MROH2A: variants seen among roughly 807,000 people sequenced by gnomAD.
MROH2A encodes the protein maestro heat like repeat family member 2A, also known as maestro heat-like repeat-containing protein family member 2A.
Under a neutral mutation model 200.4 loss-of-function variants are expected in MROH2A, and 174 were observed. The observed-to-expected ratio is 0.87, with a 90% confidence interval of 0.77 to 0.98. The LOEUF is 0.98. Ranked by LOEUF, MROH2A falls within the 50% of genes least tolerant of loss-of-function variation. MROH2A has a pLI of 0.00. For missense variants in MROH2A, 2,045 were observed against 2,139.6 expected, an observed-to-expected ratio of 0.96 and a Z score of 0.87; for synonymous variants, 829 against 840.4, an observed-to-expected ratio of 0.99 and a Z score of 0.23.
At chr2:233,814,502 C>CGGAG (rs1414563029) in intron 25 of MROH2A, 80 bp from the exon 26 acceptor site, 2 of 973,266 alleles carry the variant, frequency 2.1e-6, no homozygotes, top group East Asian at 5.3e-5. Flanking sequence ...CAGACCCCTC[C>CGGAG]CTGGCATGAA....
chr2:233,805,123 T>A lies in MROH2A; in HGVS notation c.2052+12T>A. ...CCTCTCTGGAGAAGGTTTGTCTTCA[T>A]AGGGACAGGAGAGTTTGGACAAGGA... is the stretch of plus-strand genomic sequence containing the variant. On this transcript the variant is annotated intron_variant, in intron 19 of 41. Coordinates refer to ENST00000389758, the MANE Select transcript of MROH2A (RefSeq NM_001394639.1). 6.5e-7 allele frequency: 1 copy of A among 1,532,150 alleles called. No individual in the cohort carries two copies. Among genetic ancestry groups the A allele is most frequent in the Non-Finnish European group, 8.8e-7 (1 of 1,131,256 alleles). 94.9% of individuals were successfully genotyped at this position (1,532,150 alleles called of 1,614,324 possible). A position where few individuals can be genotyped will look rare whatever the true frequency, so the allele number is the denominator to read the frequency against.
intron 3 of MROH2A, among the ~76,000 whole-genome samples, chr2:233,782,392 T>C (rs949814192): frequency 6.6e-6 from 1 of 152,234 alleles, no homozygotes; most frequent in Non-Finnish European, 1.5e-5. Flanking sequence ...TTTTATAGTT[T>C]CCCTTGCATA....
chr2:233,775,954 A>G (rs1197309288), upstream of MROH2A, among the ~76,000 whole-genome samples: 1 of 152,064 alleles, frequency 6.6e-6, no homozygotes, highest in African/African-American at 2.4e-5. Context: ...CCTCTTGCTC[A>G]TACTTCCTCT....
At chr2:233,793,617 T>A in intron 6 of MROH2A, 56 bp from the exon 7 acceptor site, 1 of 1,326,712 alleles carries the variant, frequency 7.5e-7, no homozygotes. Context: ...TGGGAAGGCT[T>A]GGTTCTGCTT....
intron 3 of MROH2A, among the ~76,000 whole-genome samples, chr2:233,787,911 ATT>A (rs1355701487): frequency 5.0e-5 from 2 of 40,060 alleles, no homozygotes; most frequent in African/African-American, 1.9e-4. Context: ...ATACATATAT[ATT>A]ATATATATAC....
At chr2:233,812,108 C>A in intron 24 of MROH2A, 149 bp downstream of exon 24, 2 of 611,636 alleles carry the variant, frequency 3.3e-6, no homozygotes, top group Non-Finnish European at 5.8e-6. Context: ...GGGCAATGGG[C>A]CAGCCTAGAT....
rs1702693000 is a variant in MROH2A, at chr2:233,804,921, G to C, written c.1945-83G>C. On this transcript the variant is annotated intron_variant, in intron 18 of 41. Transcript: ENST00000389758. ...CGAGAGAGGGCAAGTCAGTACTCAA[G>C]GTCCCGTAGCATTCCCAGAGCCCAG... 14 of 723,200 alleles carry C rather than the reference G, an allele frequency of 1.9e-5. No individual in the cohort carries two copies. In the South Asian group the frequency reaches 2.3e-4, roughly 12 times the overall value. The allele number at this position is 723,200 out of a possible 1,614,324, so 44.8% of individuals were successfully genotyped here.
chr2:233,777,623 G>A (rs1347795199), upstream of MROH2A, among the ~76,000 whole-genome samples: 2 of 152,214 alleles, frequency 1.3e-5, no homozygotes, highest in South Asian at 2.1e-4. Flanking sequence ...GAGCTCCCTC[G>A]TATTGGAGGT....
At chr2:233,804,813 C>T (rs1445608845) in intron 18 of MROH2A, among the ~76,000 whole-genome samples, 191 bp from the exon 19 acceptor site, 1 of 152,160 alleles carries the variant, frequency 6.6e-6, no homozygotes, top group Non-Finnish European at 1.5e-5. Context: ...AGAGCCACAG[C>T]CATTCCTCAG....
intron 28 of MROH2A, 127 bp from the exon 29 acceptor site, chr2:233,818,525 C>A (rs951816840): frequency 2.8e-6 from 2 of 718,476 alleles, no homozygotes; most frequent in South Asian, 3.1e-5. Flanking sequence ...AAGGTCAGAA[C>A]GCCTGGGACG....
intron 7 of MROH2A, among the ~76,000 whole-genome samples, 190 bp downstream of exon 7, chr2:233,794,014 C>T (rs1009697291): frequency 4.6e-5 from 7 of 152,176 alleles, no homozygotes; most frequent in Non-Finnish European, 8.8e-5. Context: ...GAGCCTCATC[C>T]ACGAGGCCAG....
Position 233,819,304 on chromosome 2 carries a change from G to T in MROH2A, c.3205-13G>T, listed in dbSNP as rs929410581. 1.2e-5 allele frequency: 18 copies of T among 1,547,774 alleles called. No homozygotes were observed. Among genetic ancestry groups the T allele is most frequent in the East Asian group, 2.4e-5 (1 of 40,900 alleles). Reference sequence around the variant, plus strand: ...GCAGGGGAGGGCAGGGGAGTCACCCGCTCTGCTCCTAGGTGGTCTGCATGG... The same window carrying T: ...GCAGGGGAGGGCAGGGGAGTCACCCTCTCTGCTCCTAGGTGGTCTGCATGG... On this transcript the variant is annotated splice_polypyrimidine_tract_variant and intron_variant, in intron 29 of 41. Coordinates refer to ENST00000389758, the MANE Select transcript of MROH2A (RefSeq NM_001394639.1).
At position 233,833,316 on chromosome 2, in the gene MROH2A, A is replaced by C. The variant is rs1704914509; in HGVS notation, c.*57A>C. Reference sequence around the variant, plus strand: ...TTAGTGCCAAATGCAAGCCCTTTTTAATTTAGTTTGTAAGAAGTTTAGTTT... The same window carrying C: ...TTAGTGCCAAATGCAAGCCCTTTTTCATTTAGTTTGTAAGAAGTTTAGTTT... On this transcript the variant is annotated 3_prime_UTR_variant, in exon 42 of 42. Coordinates refer to ENST00000389758, the MANE Select transcript of MROH2A (RefSeq NM_001394639.1). 2.1e-6 allele frequency: 3 copies of C among 1,447,464 alleles called. No homozygotes were observed. Among genetic ancestry groups the C allele is most frequent in the Non-Finnish European group, 2.7e-6 (3 of 1,096,964 alleles). The allele number at this position is 1,447,464 out of a possible 1,614,324, so 89.7% of individuals were successfully genotyped here.
intron 35 of MROH2A, among the ~76,000 whole-genome samples, chr2:233,827,489 A>G (rs1027994536): frequency 2.6e-5 from 4 of 152,186 alleles, no homozygotes; most frequent in African/African-American, 9.7e-5. Context: ...CAAACACCAC[A>G]TGTTCTCACT....
chr2:233,793,746 TGAG>T lies in MROH2A; in HGVS notation c.751_753del (p.Glu251del). The T allele has an allele frequency of 2.0e-6, 3 of 1,499,078 alleles. No homozygotes were observed. The highest frequency in any genetic ancestry group is 2.7e-6 in the Non-Finnish European group (3 of 1,121,588). 92.9% of individuals were successfully genotyped at this position (1,499,078 alleles called of 1,614,324 possible). A position where few individuals can be genotyped will look rare whatever the true frequency, so the allele number is the denominator to read the frequency against. On this transcript the variant is annotated inframe_deletion, in exon 7 of 42. Coordinates refer to ENST00000389758, the MANE Select transcript of MROH2A (RefSeq NM_001394639.1). The stretch of plus-strand genomic sequence containing the variant: ...AGGAGAGCGTGTACCCCGTGATGAC[TGAG>T]GAGGAGTTTGCCCTGAAGGTGTTCC...
intron 3 of MROH2A, among the ~76,000 whole-genome samples, chr2:233,785,417 C>G (rs1187228104): frequency 6.9e-6 from 1 of 145,074 alleles, no homozygotes. Flanking sequence ...TGCAGTGAGC[C>G]ATTTTGCACC....
chr2:233,788,429 C>T (rs1701508587), intron 3 of MROH2A, among the ~76,000 whole-genome samples: 1 of 151,442 alleles, frequency 6.6e-6, no homozygotes, highest in South Asian at 2.1e-4. Flanking sequence ...TTTGCTATCC[C>T]AAAAGTAGGA....
At chr2:233,798,730 C>G in intron 11 of MROH2A, 44 bp from the exon 12 acceptor site, 4 of 1,450,092 alleles carry the variant, frequency 2.8e-6, no homozygotes, top group Non-Finnish European at 3.8e-6. Context: ...CCTGACCTCT[C>G]CCTGAGCCAC....
intron 3 of MROH2A, among the ~76,000 whole-genome samples, chr2:233,786,011 A>T (rs999801685): frequency 6.6e-6 from 1 of 152,088 alleles, no homozygotes; most frequent in Non-Finnish European, 1.5e-5. Context: ...GGACGGAACA[A>T]TTGGGAGATA....
Sources: allele counts gnomAD v4.1 joint callset (sites outside exome capture counted in the v4.1 genomes callset), GRCh38; gene constraint gnomAD v4.1.1; transcripts MANE v1.5; gene names NCBI Gene and HGNC (gene_info 2026-07-23, HGNC 2026-07-21).